The following DGKH variants were observed in gnomAD, a reference collection of about 807,000 sequenced individuals.
The protein encoded by DGKH is DAG kinase eta.
A neutral mutation model predicts 159.3 loss-of-function variants in DGKH; 90 were observed. The observed-to-expected ratio is 0.57, with a 90% CI of 0.48 to 0.67. DGKH has a LOEUF of 0.67. Among genes scored for constraint, DGKH ranks in the 30% least tolerant of loss-of-function variants. The pLI is 0.00. For missense variants in DGKH, 1,181 were observed against 1,506.1 expected (o/e 0.78, Z 3.57); for synonymous variants, 536 against 553.8 (o/e 0.97, Z 0.45).
chr13:42,190,263 G>T (rs1957028664), intron 15 of DGKH, 140 bp from the exon 16 acceptor site: 2 of 966,420 alleles, frequency 2.1e-6, no homozygotes, highest in African/African-American at 1.7e-5. Context: ...TCAACCCCAA[G>T]TTCATTGCTA....
At chr13:42,061,540 A>G (rs536609214) in intron 1 of DGKH, among the ~76,000 whole-genome samples, 4 of 152,220 alleles carry the variant, frequency 2.6e-5, no homozygotes, top group African/African-American at 9.6e-5. Context: ...TCCTGAATTC[A>G]TTTCTCCCTT....
intron 29 of DGKH, chr13:42,252,320 G>C (rs1419734928): frequency 3.9e-5 from 6 of 152,054 alleles, no homozygotes; most frequent in Admixed American, 3.3e-4. Flanking sequence ...ATGTAGAATT[G>C]TCTATTTTTC....
Position 42,205,948 on chromosome 13 carries a change from C to T in DGKH, c.2494-91C>T, listed in dbSNP as rs1030355694. On this transcript the variant is annotated intron_variant, in intron 20 of 29. Coordinates refer to ENST00000337343, the MANE Select transcript of DGKH (RefSeq NM_178009.5). ...TTACGAACACACTGTGCTCCATTGT[C>T]CTTCATCTTTAGTGTTTTAGTATCT... 6 of 643,642 alleles carry T rather than the reference C, an allele frequency of 9.3e-6. No individual in the cohort carries two copies. The African/African-American group carries it at 1.1e-4, about 12-fold the overall frequency. The allele number at this position is 643,642 out of a possible 1,614,324, so 39.9% of individuals were successfully genotyped here. A position where few individuals can be genotyped will look rare whatever the true frequency, so the allele number is the denominator to read the frequency against.
In DGKH at chr13:42,168,555, G is replaced by A. The variant is rs1421140147; in HGVS notation, c.1227+7G>A. The A allele has an allele frequency of 6.2e-7, 1 of 1,613,528 alleles. No individual in the cohort carries two copies. The highest frequency in any genetic ancestry group is 2.2e-5 in the East Asian group (1 of 44,892). ...GCTCAACTTGAATAAACAGGCAAGT[G>A]CTAATTCTTTTACTTGCTAGTTAAC... On this transcript the variant is annotated splice_region_variant and intron_variant, in intron 10 of 29. Coordinates refer to ENST00000337343, the MANE Select transcript of DGKH (RefSeq NM_178009.5).
In DGKH at chr13:42,218,937, A is replaced by G. The variant is rs78008980; in HGVS notation, c.3214-293A>G. On this transcript the variant is annotated intron_variant, in intron 26 of 29. Transcript: ENST00000337343. ...GCATGAAGGAGGGAGACAGGAAAGAAGACATTTACACAGAAAAAAACACCA... is the reference window on the plus strand; with the variant it reads ...GCATGAAGGAGGGAGACAGGAAAGAGGACATTTACACAGAAAAAAACACCA... 2.7e-4 allele frequency among the ~76,000 whole-genome samples: 41 copies of G among 152,340 alleles called. 2 individuals carry two copies. In the East Asian group the frequency reaches 7.7e-3, roughly 29 times the overall value.
At chr13:42,138,169 G>C in intron 3 of DGKH, 1 of 933,632 alleles carries the variant, frequency 1.1e-6, no homozygotes, top group Non-Finnish European at 1.3e-6. Flanking sequence ...CTAATAGCAG[G>C]GCACAGCTAA....
At chr13:42,070,143 C>T in intron 1 of DGKH, 3 of 918,810 alleles carry the variant, frequency 3.3e-6, no homozygotes, top group Admixed American at 1.7e-5. Context: ...AACATATGCT[C>T]ATGTAAGGAT....
At chr13:42,158,703 C>A (rs370688547) in intron 5 of DGKH, among the ~76,000 whole-genome samples, 3 of 152,142 alleles carry the variant, frequency 2.0e-5, no homozygotes, top group East Asian at 3.9e-4. Context: ...TGTTGGTCAC[C>A]CTCACCAACC....
At chr13:42,040,161 C>A (rs998294844) in intron 1 of DGKH, 3 of 152,320 alleles carry the variant, frequency 2.0e-5, no homozygotes, top group African/African-American at 7.2e-5. Flanking sequence ...CAAGCCTCAG[C>A]ACCCCCAGGA....
chr13:42,199,462 TA>T, intron 18 of DGKH, 103 bp from the exon 19 acceptor site: 1 of 767,584 alleles, frequency 1.3e-6, no homozygotes, highest in Non-Finnish European at 2.0e-6. Context: ...CAATCTGCTA[TA>T]AAATGAAAGC....
intron 1 of DGKH, among the ~76,000 whole-genome samples, chr13:42,112,445 C>T (rs537008753): frequency 2.7e-5 from 4 of 150,134 alleles, no homozygotes; most frequent in Non-Finnish European, 4.4e-5. Context: ...CGATGCCTGG[C>T]CCCACGTGGC....
At chr13:42,172,918 A>G (rs1051145615) in intron 11 of DGKH, among the ~76,000 whole-genome samples, 4 of 151,966 alleles carry the variant, frequency 2.6e-5, no homozygotes, top group African/African-American at 9.7e-5. Flanking sequence ...CAGGTGATCC[A>G]CCTGCCATGG....
chr13:42,119,333 A>C (rs1367103924), intron 1 of DGKH, among the ~76,000 whole-genome samples: 2 of 152,232 alleles, frequency 1.3e-5, no homozygotes, highest in African/African-American at 4.8e-5. Context: ...AAGAAGAGGA[A>C]TGGATTTAGA....
Position 42,205,521 on chromosome 13 carries a change from T to C in DGKH, c.2494-518T>C, listed in dbSNP as rs146982550. Among the ~76,000 whole-genome samples the C allele has an allele frequency of 5.6e-3, 849 of 152,280 alleles. 11 individuals carry two copies. Among genetic ancestry groups the C allele is most frequent in the African/African-American group, 0.02 (821 of 41,566 alleles). On this transcript the variant is annotated intron_variant, in intron 20 of 29. Transcript: ENST00000337343. ...GAGAAAGTAAGGACTGCAAGGAGCT[T>C]TCTGAGATGCATATATTTTTGCTTG...
At chr13:42,074,368 C>A (rs1027163636) in intron 1 of DGKH, among the ~76,000 whole-genome samples, 1 of 152,150 alleles carries the variant, frequency 6.6e-6, no homozygotes, top group African/African-American at 2.4e-5. Context: ...AATTTCCATC[C>A]TGAGGATGAT....
At chr13:42,182,515 C>T (rs1956793213) in intron 13 of DGKH, among the ~76,000 whole-genome samples, 2 of 152,138 alleles carry the variant, frequency 1.3e-5, no homozygotes. Context: ...TACACACATC[C>T]TTCCACATAC....
chr13:42,165,406 A>G lies in DGKH; in HGVS notation c.931A>G (p.Ile311Val), dbSNP rs759478548. Residue 311 changes from isoleucine (I) to valine (V), a missense_variant, in exon 8 of 30, where the codon ATT becomes GTT. Around this residue, in one of 5 missense-constraint regions of DGKH, gnomAD observed 369 missense variants for 519.4 expected, o/e 0.71. Coordinates refer to ENST00000337343, the MANE Select transcript of DGKH (RefSeq NM_178009.5). ...GQCKVSIIPP[I>V]ALNSTDSDGF... ...ATGTAAAGTATCTATCATACCTCCA[A>G]TTGCACTAAACAGCACCGATTCCGA... The G allele has an allele frequency of 1.3e-6, 2 of 1,588,802 alleles. No homozygotes were observed. Among genetic ancestry groups the G allele is most frequent in the Non-Finnish European group, 1.7e-6 (2 of 1,168,598 alleles).
At chr13:42,124,851 A>G (rs1191657755) in intron 1 of DGKH, among the ~76,000 whole-genome samples, 1 of 152,200 alleles carries the variant, frequency 6.6e-6, no homozygotes, top group Admixed American at 6.5e-5. Context: ...GTTTCACTCC[A>G]GGAGCACTTT....
intron 3 of DGKH, among the ~76,000 whole-genome samples, chr13:42,138,393 CT>C (rs917448963): frequency 6.6e-6 from 1 of 152,146 alleles, no homozygotes; most frequent in Non-Finnish European, 1.5e-5. Flanking sequence ...ATGGTGGAAA[CT>C]GAAATTTCCT....
Sources: gnomAD v4.1 joint callset for allele counts (sites outside exome capture counted in the v4.1 genomes callset) on GRCh38, gnomAD v4.1.1 for gene constraint, gnomAD v4.1.1 regional missense constraint, MANE v1.5 for transcripts, NCBI Gene and HGNC (gene_info 2026-07-23, HGNC 2026-07-21) for gene names.